The following LOC128462377 variants were observed in gnomAD, a reference collection of about 807,000 sequenced individuals.
the LOC128462377 span, among the ~76,000 whole-genome samples, chr16:89,383,239 C>G: frequency 5.9e-5 from 9 of 152,208 alleles, no homozygotes; most frequent in African/African-American, 2.2e-4. Flanking sequence ...AAGTGTTCAG[C>G]TGGCTGAAAG....
the LOC128462377 span, among the ~76,000 whole-genome samples, chr16:89,351,737 G>A: frequency 6.6e-6 from 1 of 152,218 alleles, no homozygotes. Flanking sequence ...GGACGCAGAG[G>A]CTGCAGGGGG....
At chr16:89,339,275 C>G in the LOC128462377 span, among the ~76,000 whole-genome samples, 2 of 152,188 alleles carry the variant, frequency 1.3e-5, no homozygotes, top group Non-Finnish European at 2.9e-5. Flanking sequence ...GGCAATAGAA[C>G]GACCTAGAGA....
chr16:89,343,157 G>GT, the LOC128462377 span, among the ~76,000 whole-genome samples: 2 of 152,184 alleles, frequency 1.3e-5, no homozygotes, highest in African/African-American at 4.8e-5. Context: ...CCTGGCTCAT[G>GT]TTTTTGTATT....
chr16:89,325,469 T>TCACA, the LOC128462377 span, among the ~76,000 whole-genome samples: 1,124 of 147,730 alleles, frequency 7.6e-3, 20 homozygotes, highest in African/African-American at 0.025. Flanking sequence ...TCTCTCTCTC[T>TCACA]CACACACACA....
the LOC128462377 span, among the ~76,000 whole-genome samples, chr16:89,339,547 C>G: frequency 6.6e-6 from 1 of 152,048 alleles, no homozygotes; most frequent in African/African-American, 2.4e-5. Flanking sequence ...TTAGACGAAC[C>G]CTCAATTTAT....
chr16:89,318,914 C>G, the LOC128462377 span, among the ~76,000 whole-genome samples: 1 of 152,174 alleles, frequency 6.6e-6, no homozygotes, highest in African/African-American at 2.4e-5. Flanking sequence ...CTCTCTCTAC[C>G]TGAACCAATG....
At chr16:89,347,896 C>T in the LOC128462377 span, among the ~76,000 whole-genome samples, 2 of 151,724 alleles carry the variant, frequency 1.3e-5, no homozygotes, top group East Asian at 3.9e-4. Context: ...CCCTTCTGTT[C>T]TTACTTTGCA....
the LOC128462377 span, chr16:89,323,759 T>C: frequency 3.9e-6 from 1 of 257,734 alleles, no homozygotes; most frequent in Non-Finnish European, 7.5e-6. Flanking sequence ...CTCTCCTTCC[T>C]CCTCAGGGCC....
the LOC128462377 span, among the ~76,000 whole-genome samples, chr16:89,396,731 G>A: frequency 6.6e-6 from 1 of 152,184 alleles, no homozygotes; most frequent in Non-Finnish European, 1.5e-5. Flanking sequence ...CTGTCGCCCA[G>A]GCTGGAGTGC....
At chr16:89,344,533 C>A in the LOC128462377 span, among the ~76,000 whole-genome samples, 1 of 152,214 alleles carries the variant, frequency 6.6e-6, no homozygotes, top group Admixed American at 6.5e-5. Flanking sequence ...GCCAAAATGA[C>A]CCACAAATAA....
At chr16:89,341,499 C>T in the LOC128462377 span, among the ~76,000 whole-genome samples, 1 of 152,090 alleles carries the variant, frequency 6.6e-6, no homozygotes, top group African/African-American at 2.4e-5. Flanking sequence ...ACCTTAGCAA[C>T]GGCTCTAAAC....
the LOC128462377 span, among the ~76,000 whole-genome samples, chr16:89,318,962 G>T: frequency 2.6e-5 from 4 of 152,234 alleles, no homozygotes; most frequent in African/African-American, 9.6e-5. Context: ...CCACAAAACC[G>T]GAATGTCTCA....
the LOC128462377 span, among the ~76,000 whole-genome samples, chr16:89,333,057 G>A: frequency 3.3e-5 from 5 of 152,116 alleles, no homozygotes; most frequent in African/African-American, 1.2e-4. Context: ...AGGGAAGAAG[G>A]GCCCCTGTGG....
chr16:89,341,325 A>C, the LOC128462377 span, among the ~76,000 whole-genome samples: 1 of 152,206 alleles, frequency 6.6e-6, no homozygotes, highest in Non-Finnish European at 1.5e-5. Context: ...ATTATTAATC[A>C]GGCAATCAAA....
chr16:89,324,505 T>C, the LOC128462377 span: 1 of 456,312 alleles, frequency 2.2e-6, no homozygotes, highest in East Asian at 6.9e-5. Flanking sequence ...TGGGAGCATC[T>C]TGAGGAAGCT....
chr16:89,354,992 A>C, the LOC128462377 span, among the ~76,000 whole-genome samples: 6 of 152,206 alleles, frequency 3.9e-5, no homozygotes, highest in Non-Finnish European at 4.4e-5. Context: ...GTCCCAGGAA[A>C]TGCACAGATT....
the LOC128462377 span, among the ~76,000 whole-genome samples, chr16:89,363,406 C>T: frequency 1.3e-5 from 2 of 151,714 alleles, no homozygotes. Context: ...AGCACACCAA[C>T]ATGGCACATG....
the LOC128462377 span, chr16:89,317,136 C>T: frequency 8.9e-7 from 1 of 1,120,144 alleles, no homozygotes; most frequent in Non-Finnish European, 1.3e-6. Context: ...AACTCATCCA[C>T]TCTCACACCG....
chr16:89,408,954 G>A, the LOC128462377 span, among the ~76,000 whole-genome samples: 6 of 152,152 alleles, frequency 3.9e-5, no homozygotes, highest in African/African-American at 1.2e-4. Context: ...TGTGGAGTGC[G>A]GTTTCTAAAA....
Sources: gnomAD v4.1 joint callset for allele counts (sites outside exome capture counted in the v4.1 genomes callset) on GRCh38, gnomAD v4.1.1 for gene constraint, MANE v1.5 for transcripts.